BAIAP2L1: variants seen among roughly 807,000 people sequenced by gnomAD.
BAIAP2L1 encodes BAR/IMD domain containing adaptor protein 2 like 1, also known as BAR/IMD domain-containing adapter protein 2-like 1.
A neutral mutation model predicts 66.3 loss-of-function variants in BAIAP2L1; 35 were observed. The ratio of observed to expected loss-of-function variants is 0.53; its 90% CI spans 0.40 to 0.70. The LOEUF is 0.70. BAIAP2L1 is among the 30% of genes least tolerant of loss of function. BAIAP2L1 has a pLI of 0.00. For synonymous variants in BAIAP2L1, 269 were observed against 248.7 expected, an observed-to-expected ratio of 1.08 and a Z score of -0.77; for missense variants, 622 against 656.9, an observed-to-expected ratio of 0.95 and a Z score of 0.58.
intron 1 of BAIAP2L1, among the ~76,000 whole-genome samples, chr7:98,362,916 T>C (rs1802304950): frequency 6.6e-6 from 1 of 152,162 alleles, no homozygotes; most frequent in African/African-American, 2.4e-5. Flanking sequence ...CTCTGCCTAA[T>C]TATAGGGGTG....
intron 3 of BAIAP2L1, among the ~76,000 whole-genome samples, chr7:98,332,959 A>C (rs34717219): frequency 0.4 from 61,171 of 151,632 alleles, 13,304 homozygotes; most frequent in Middle Eastern, 0.54. Context: ...CTGTCTGCAG[A>C]CCTCATCCTC....
intron 3 of BAIAP2L1, among the ~76,000 whole-genome samples, chr7:98,334,447 C>A (rs1801567084): frequency 6.6e-6 from 1 of 152,046 alleles, no homozygotes; most frequent in Non-Finnish European, 1.5e-5. Context: ...AACTCAAAAC[C>A]TTTTAGTCCT....
chr7:98,307,866 G>A lies in BAIAP2L1; in HGVS notation c.986C>T (p.Ser329Leu). The A allele has an allele frequency of 3.1e-6, 5 of 1,614,246 alleles. No individual in the cohort carries two copies. The highest frequency in any genetic ancestry group is 4.2e-6 in the Non-Finnish European group (5 of 1,180,054). The change falls in exon 10 of 14, where the codon TCA (serine) becomes TTA (leucine). Residue 329 changes from serine to leucine, a missense_variant. Ser to Leu is a moderately radical substitution (Grantham distance 145). Coordinates refer to ENST00000005260, the MANE Select transcript of BAIAP2L1 (RefSeq NM_018842.5). Reference protein sequence around the residue: ...GTSEDPSLQRSVSVATGLNMM... With the variant: ...GTSEDPSLQRLVSVATGLNMM... ...GTTCAGTCCCGTTGCAACCGAAACTGATCGCTGTAAACTGGGATCTTCGGA... is the reference window on the plus strand; with the variant it reads ...GTTCAGTCCCGTTGCAACCGAAACTAATCGCTGTAAACTGGGATCTTCGGA...
chr7:98,383,457 T>C (rs576991253), intron 1 of BAIAP2L1, among the ~76,000 whole-genome samples: 165 of 151,972 alleles, frequency 1.1e-3, no homozygotes, highest in Middle Eastern at 3.4e-3. Context: ...CTAATTATTT[T>C]TGTATTTTTA....
At chr7:98,308,168 C>T (rs749278184) in intron 9 of BAIAP2L1, 25 of 593,522 alleles carry the variant, frequency 4.2e-5, no homozygotes, top group Middle Eastern at 5.3e-4. Context: ...AAGGACAAGG[C>T]GGTGTGTGCC....
At chr7:98,350,391 C>G (rs548792535) in intron 3 of BAIAP2L1, among the ~76,000 whole-genome samples, 1 of 151,868 alleles carries the variant, frequency 6.6e-6, no homozygotes, top group East Asian at 1.9e-4. Context: ...GGCACAGTGG[C>G]TCATGCCTGT....
rs780123833 is a variant in BAIAP2L1, at chr7:98,304,386, A to C, written c.1242-10T>G. ...TCTCACTGGTGTGGGGCTCAAACCC[A>C]AAAAGGACACAGCACGTGTTAGATA... On this transcript the variant is annotated splice_polypyrimidine_tract_variant and intron_variant, in intron 11 of 13. Transcript: ENST00000005260. The C allele has an allele frequency of 6.2e-7, 1 of 1,612,836 alleles. No individual in the cohort carries two copies. The highest frequency in any genetic ancestry group is 1.7e-5 in the Admixed American group (1 of 59,782).
chr7:98,330,515 G>A (rs1801470388), intron 3 of BAIAP2L1, among the ~76,000 whole-genome samples: 1 of 152,052 alleles, frequency 6.6e-6, no homozygotes, highest in African/African-American at 2.4e-5. Flanking sequence ...AAATTAGCCG[G>A]GCGTGGTGGC....
At chr7:98,362,241 T>G in intron 2 of BAIAP2L1, 116 bp downstream of exon 2, 2 of 756,874 alleles carry the variant, frequency 2.6e-6, no homozygotes, top group Non-Finnish European at 4.3e-6. Flanking sequence ...TTAAATTCAT[T>G]GTGAACAATT....
In BAIAP2L1 at chr7:98,347,699, C is replaced by T. The variant is rs534187981; in HGVS notation, c.214+7343G>A. On this transcript the variant is annotated intron_variant, in intron 3 of 13. Coordinates refer to ENST00000005260, the MANE Select transcript of BAIAP2L1 (RefSeq NM_018842.5). ...CTGAGGCAGGAGAATGGTGTGAACC[C>T]GGGAAGCGGAGCGTGCAGTGAGCCA... 1.5e-3 allele frequency among the ~76,000 whole-genome samples: 232 copies of T among 151,978 alleles called. 1 individual carries two copies. Among genetic ancestry groups the T allele is most frequent in the African/African-American group, 5.4e-3 (222 of 41,436 alleles).
intron 2 of BAIAP2L1, among the ~76,000 whole-genome samples, chr7:98,356,858 T>C (rs1802132067): frequency 6.8e-6 from 1 of 146,522 alleles, no homozygotes; most frequent in Non-Finnish European, 1.5e-5. Context: ...ATGGTGGTGG[T>C]GGCACACGCC....
chr7:98,337,423 G>C (rs1016284365), intron 3 of BAIAP2L1, among the ~76,000 whole-genome samples: 1 of 152,142 alleles, frequency 6.6e-6, no homozygotes, highest in Non-Finnish European at 1.5e-5. Context: ...GTAGAGACGG[G>C]GCTTTGCCAT....
rs371372351 is a variant in BAIAP2L1, at chr7:98,296,431, G to A, written c.1423-2320C>T. On this transcript the variant is annotated intron_variant, in intron 12 of 13. Transcript: ENST00000005260. ...ACCTGAGGTCGGGAGTTCGAGACCA[G>A]CCTGACCAACATGGAGAAACCCCGT... 2.3e-4 allele frequency among the ~76,000 whole-genome samples: 35 copies of A among 152,292 alleles called. No individual in the cohort carries two copies. In the South Asian group the frequency reaches 6.6e-3, roughly 29 times the overall value.
chr7:98,351,727 C>T (rs993320742), intron 3 of BAIAP2L1, among the ~76,000 whole-genome samples: 2 of 152,178 alleles, frequency 1.3e-5, no homozygotes, highest in Admixed American at 6.5e-5. Flanking sequence ...AATAAAGATG[C>T]TGATTGCTTA....
rs565415712 is a variant in BAIAP2L1, at chr7:98,358,024, T to C, written c.128-2896A>G. On this transcript the variant is annotated intron_variant, in intron 2 of 13. Transcript: ENST00000005260. Reference sequence around the variant, plus strand: ...AGTTGTAAGATGGAACATCTTAGTATGAAGATGTTAAGTTGTAAAGTACTG... The same window carrying C: ...AGTTGTAAGATGGAACATCTTAGTACGAAGATGTTAAGTTGTAAAGTACTG... Among the ~76,000 whole-genome samples the C allele has an allele frequency of 5.3e-4, 81 of 152,352 alleles. 1 individual carries two copies. The highest frequency in any genetic ancestry group is 3.4e-3 in the Middle Eastern group (1 of 294).
At position 98,315,520 on chromosome 7, in the gene BAIAP2L1, G is replaced by A; in HGVS notation, c.579C>T (p.Phe193=). 1 of 1,522,672 alleles carries A rather than the reference G, an allele frequency of 6.6e-7. No individual in the cohort carries two copies. Among genetic ancestry groups the A allele is most frequent in the South Asian group, 1.3e-5 (1 of 77,672 alleles). 94.3% of individuals were successfully genotyped at this position (1,522,672 alleles called of 1,614,324 possible). A position where few individuals can be genotyped will look rare whatever the true frequency, so the allele number is the denominator to read the frequency against. Reference sequence around the variant, plus strand: ...CACAGTGCTTATCAACCAGAAAGCAGAAGCGCCTCTTCTCTTCAAGCAGAG... The same window carrying A: ...CACAGTGCTTATCAACCAGAAAGCAAAAGCGCCTCTTCTCTTCAAGCAGAG... ...KEALLEEKRR[F]CFLVDKHCGF... is the part of the protein sequence containing the mutation. Residue 193 remains phenylalanine (F), a synonymous_variant, in exon 7 of 14, where the codon TTC becomes TTT. Coordinates refer to ENST00000005260, the MANE Select transcript of BAIAP2L1 (RefSeq NM_018842.5).
intron 1 of BAIAP2L1, among the ~76,000 whole-genome samples, chr7:98,363,027 CTTTTTTTTTTT>C (rs71537235): frequency 1.2e-3 from 88 of 75,582 alleles, no homozygotes; most frequent in Non-Finnish European, 1.5e-3. Flanking sequence ...GGCATTTTTT[CTTTTTTTTTTT>C]TTTTTTTTTT....
intron 3 of BAIAP2L1, among the ~76,000 whole-genome samples, chr7:98,343,288 G>GACACAC (rs1383923666): frequency 5.0e-5 from 4 of 79,892 alleles, no homozygotes; most frequent in Admixed American, 1.2e-4. Flanking sequence ...CACACACACA[G>GACACAC]ACACACACAC....
intron 1 of BAIAP2L1, among the ~76,000 whole-genome samples, chr7:98,380,754 A>AT (rs1802737575): frequency 7.3e-6 from 1 of 137,558 alleles, no homozygotes; most frequent in Admixed American, 7.3e-5. Context: ...TTTTTTTTTA[A>AT]TAAAAAAAAA....
Sources: allele counts gnomAD v4.1 joint callset (sites outside exome capture counted in the v4.1 genomes callset), GRCh38; gene constraint gnomAD v4.1.1; transcripts MANE v1.5; gene names NCBI Gene and HGNC (gene_info 2026-07-23, HGNC 2026-07-21).